Variants in AGAP3 observed in about 807,000 individuals in gnomAD.
The protein encoded by AGAP3 is ArfGAP with GTPase domain, ankyrin repeat and PH domain 3, also known as arf-GAP with GTPase, ANK repeat and PH domain-containing protein 3.
In AGAP3, 24 loss-of-function variants were observed where a neutral mutation model predicts 96.9. The observed-to-expected ratio is 0.25, with a 90% CI of 0.18 to 0.35. The LOEUF (loss-of-function observed/expected upper bound fraction) is 0.35. Ranked by LOEUF, AGAP3 falls within the 10% of genes least tolerant of loss-of-function variation. The pLI is 1.00. For synonymous variants in AGAP3, 563 were observed against 536.1 expected (o/e 1.05, Z -0.69); for missense variants, 876 against 1,254.2 (o/e 0.70, Z 4.55).
intron 1 of AGAP3, among the ~76,000 whole-genome samples, chr7:151,105,510 C>T (rs948007560): frequency 1.3e-5 from 2 of 150,876 alleles, no homozygotes; most frequent in Non-Finnish European, 2.9e-5. Flanking sequence ...AATCCCAGCA[C>T]TTTGGGAGGC....
chr7:151,111,782 A>C (rs1472411862), intron 1 of AGAP3, among the ~76,000 whole-genome samples: 1 of 152,142 alleles, frequency 6.6e-6, no homozygotes, highest in African/African-American at 2.4e-5. Flanking sequence ...CATTTGTGAG[A>C]GATTTCCTCT....
chr7:151,093,993 G>A (rs1160389182), intron 1 of AGAP3, among the ~76,000 whole-genome samples: 1 of 152,180 alleles, frequency 6.6e-6, no homozygotes, highest in East Asian at 1.9e-4. Context: ...TTCTGAGGCT[G>A]CCTCTGTCAT....
intron 1 of AGAP3, chr7:151,115,481 C>A: frequency 2.0e-6 from 2 of 1,016,130 alleles, no homozygotes; most frequent in Non-Finnish European, 2.3e-6. Context: ...TGCTGGGCTC[C>A]GACGCCCCGC....
Position 151,139,744 on chromosome 7 carries a change from C to T in AGAP3, c.1667-235C>T. 1 of 372,440 alleles carries T rather than the reference C, an allele frequency of 2.7e-6. No individual in the cohort carries two copies. The allele number at this position is 372,440 out of a possible 1,614,324, so 23.1% of individuals were successfully genotyped here. On this transcript the variant is annotated intron_variant, in intron 12 of 17. Transcript: ENST00000397238. This position sits in a 1 kb window ranked among gnomAD's most constrained non-coding sequence, Gnocchi z 4.9. ...GGCAGCTTCCTCCCTTTGCCTCCAT[C>T]CTGCTCTGCCTAAGTTTCCTATTCT...
At chr7:151,121,095 G>A (rs766175834) in intron 8 of AGAP3, 2 of 160,536 alleles carry the variant, frequency 1.2e-5, no homozygotes, top group Non-Finnish European at 2.7e-5. Context: ...CCAGATCTCC[G>A]GACCCTGCCC....
chr7:151,117,238 C>T (rs1296700885), intron 3 of AGAP3, 56 bp downstream of exon 3: 1 of 1,588,272 alleles, frequency 6.3e-7, no homozygotes, highest in African/African-American at 1.3e-5. Context: ...CCAGCTCCTG[C>T]CCACAGGGTC....
chr7:151,121,726 G>C (rs113321173), intron 8 of AGAP3, among the ~76,000 whole-genome samples: 3 of 152,056 alleles, frequency 2.0e-5, no homozygotes, highest in Admixed American at 6.5e-5. Context: ...TCCTCACAGC[G>C]GCGACCTTAT....
chr7:151,115,151 G>T, intron 1 of AGAP3: 2 of 1,045,158 alleles, frequency 1.9e-6, no homozygotes, highest in South Asian at 6.3e-5. Context: ...CGGCCAGCAT[G>T]ACTTTCCTGG....
chr7:151,123,757 T>G, intron 8 of AGAP3, 37 bp from the exon 9 acceptor site: 1 of 1,611,104 alleles, frequency 6.2e-7, no homozygotes, highest in Non-Finnish European at 8.5e-7. Context: ...CGGCAGACCC[T>G]GGGCCTCTTT....
Position 151,114,860 on chromosome 7 carries a change from C to A in AGAP3, c.332-1933C>A. ...CCCACAGCGTCTGCGACTCGCTGGA[C>A]CTGCACGGCGCCTCGGCCGGCCGCG... On this transcript the variant is annotated intron_variant, in intron 1 of 17. Transcript: ENST00000397238. This position sits in a 1 kb window ranked among gnomAD's most constrained non-coding sequence, Gnocchi z 4.4. 1 of 1,035,170 alleles carries A rather than the reference C, an allele frequency of 9.7e-7. No homozygotes were observed. Among genetic ancestry groups the A allele is most frequent in the Non-Finnish European group, 1.2e-6 (1 of 863,776 alleles). The allele number at this position is 1,035,170 out of a possible 1,614,324, so 64.1% of individuals were successfully genotyped here.
chr7:151,123,197 G>C, intron 8 of AGAP3: 1 of 1,064,738 alleles, frequency 9.4e-7, no homozygotes, highest in Non-Finnish European at 1.1e-6. Context: ...TCCGGAAGCC[G>C]CCGCCGCCGC....
chr7:151,092,909 G>A (rs1334219151), intron 1 of AGAP3, among the ~76,000 whole-genome samples: 2 of 152,038 alleles, frequency 1.3e-5, no homozygotes, highest in Admixed American at 1.3e-4. Context: ...TTTAACTCTT[G>A]GAAGCCTTTA....
chr7:151,135,515 TAAAG>T, intron 11 of AGAP3, among the ~76,000 whole-genome samples: 2 of 152,254 alleles, frequency 1.3e-5, no homozygotes, highest in African/African-American at 4.8e-5. Context: ...CCCCAAACAA[TAAAG>T]AATTGTCCCA....
At chr7:151,115,222 G>C in intron 1 of AGAP3, 2 of 1,001,678 alleles carry the variant, frequency 2.0e-6, no homozygotes, top group Non-Finnish European at 1.2e-6. Context: ...GGGCGCGCGG[G>C]CAGCGCGGGC....
intron 11 of AGAP3, among the ~76,000 whole-genome samples, 153 bp downstream of exon 11, chr7:151,134,721 C>G (rs6979622): frequency 1.1e-4 from 16 of 152,190 alleles, no homozygotes; most frequent in African/African-American, 3.6e-4. Flanking sequence ...TGTGCCCTAA[C>G]GCAGCCCTCG....
chr7:151,135,191 G>T (rs899205998), intron 11 of AGAP3, among the ~76,000 whole-genome samples: 1 of 152,172 alleles, frequency 6.6e-6, no homozygotes, highest in African/African-American at 2.4e-5. Context: ...CTCTTCCAGG[G>T]TCCGTCCTTC....
At chr7:151,107,316 A>AAG (rs1247993029) in intron 1 of AGAP3, among the ~76,000 whole-genome samples, 3 of 145,448 alleles carry the variant, frequency 2.1e-5, no homozygotes, top group African/African-American at 5.4e-5. Flanking sequence ...GGCTCAAAAA[A>AAG]AAAAAAAAAA....
In AGAP3 at chr7:151,118,818, CCCTGCCCCACGGTG is replaced by C. The variant is rs1799723482; in HGVS notation, c.969+195_969+208del. On this transcript the variant is annotated intron_variant, in intron 7 of 17. Transcript: ENST00000397238. The surrounding 1 kb of genome is among the most constrained non-coding windows in gnomAD (Gnocchi z 6.1). ...GCCGGCACCGTAGCCTTGGCCTCATCCCTGCCCCACGGTGCCTGCCCCTTCCCGCTGCAATCCCC... is the reference window on the plus strand; with the variant it reads ...GCCGGCACCGTAGCCTTGGCCTCATCCCTGCCCCTTCCCGCTGCAATCCCC... 6.6e-6 allele frequency among the ~76,000 whole-genome samples: 1 copy of C among 152,192 alleles called. No homozygotes were observed. The highest frequency in any genetic ancestry group is 2.1e-4 in the South Asian group (1 of 4,832).
chr7:151,087,137 C>T, intron 1 of AGAP3, 65 bp downstream of exon 1: 1 of 1,507,476 alleles, frequency 6.6e-7, no homozygotes, highest in Non-Finnish European at 9.0e-7. Flanking sequence ...GCCGAGGGCT[C>T]CACAGGCCGT....
Sources: gnomAD v4.1 joint callset for allele counts (sites outside exome capture counted in the v4.1 genomes callset) on GRCh38, gnomAD v4.1.1 for gene constraint, Gnocchi (gnomAD v3.1) non-coding constraint, MANE v1.5 for transcripts, NCBI Gene and HGNC (gene_info 2026-07-23, HGNC 2026-07-21) for gene names.